Variants in NTRK2 observed in about 807,000 individuals in gnomAD.
NTRK2 encodes the protein BDNF/NT-3 growth factors receptor.
In NTRK2, 13 loss-of-function variants were observed where a neutral mutation model predicts 94.5. That is an observed-to-expected ratio of 0.14 (90% CI 0.09 to 0.22). NTRK2 has a LOEUF of 0.22. Ranked by LOEUF, NTRK2 falls within the 10% of genes least tolerant of loss-of-function variation. NTRK2 has a pLI of 1.00. For synonymous variants in NTRK2, 372 were observed against 407.4 expected, an observed-to-expected ratio of 0.91 and a Z score of 1.05; for missense variants, 639 against 1,071.2, an observed-to-expected ratio of 0.60 and a Z score of 5.63.
intron 14 of NTRK2, among the ~76,000 whole-genome samples, chr9:84,882,385 A>G (rs1300545166): frequency 6.6e-6 from 1 of 152,238 alleles, no homozygotes; most frequent in Non-Finnish European, 1.5e-5. Flanking sequence ...GTATGATTCC[A>G]AATGGTAAAG....
chr9:84,894,242 A>G (rs1335507774), intron 14 of NTRK2, among the ~76,000 whole-genome samples: 1 of 150,504 alleles, frequency 6.6e-6, no homozygotes, highest in Admixed American at 6.7e-5. Context: ...CATAGTCTTG[A>G]ATGTATTCCA....
intron 17 of NTRK2, among the ~76,000 whole-genome samples, chr9:84,957,749 C>A (rs146876417): frequency 6.6e-6 from 1 of 152,226 alleles, no homozygotes; most frequent in Non-Finnish European, 1.5e-5. Flanking sequence ...GGCATGTACC[C>A]AAGAGAACTG....
chr9:84,815,212 G>C (rs201347984), intron 12 of NTRK2: 2 of 1,057,122 alleles, frequency 1.9e-6, no homozygotes, highest in Non-Finnish European at 2.3e-6. Context: ...ATTCAGGCTA[G>C]TGTTGCAGTA....
intron 12 of NTRK2, among the ~76,000 whole-genome samples, chr9:84,789,676 A>G (rs2068522623): frequency 1.3e-5 from 2 of 152,100 alleles, no homozygotes; most frequent in African/African-American, 4.8e-5. Context: ...CACATGTTTC[A>G]CTATATGCGT....
intron 14 of NTRK2, among the ~76,000 whole-genome samples, chr9:84,931,865 T>C (rs2078048682): frequency 6.6e-6 from 1 of 152,162 alleles, no homozygotes; most frequent in Admixed American, 6.5e-5. Context: ...GCTAATTATC[T>C]GCAAGAATTA....
chr9:84,813,894 A>G, intron 12 of NTRK2: 2 of 1,065,340 alleles, frequency 1.9e-6, no homozygotes, highest in Non-Finnish European at 1.1e-6. Context: ...TCATGGCTCA[A>G]TGGGGGCCTC....
chr9:84,768,731 G>T (rs1335742587), intron 12 of NTRK2, among the ~76,000 whole-genome samples: 4 of 152,108 alleles, frequency 2.6e-5, no homozygotes, highest in African/African-American at 9.7e-5. Flanking sequence ...GAAAAAGAGA[G>T]CTCAGTATGG....
Position 85,021,766 on chromosome 9 carries a change from G to C in NTRK2, c.*329G>C. On this transcript the variant is annotated 3_prime_UTR_variant, in exon 19 of 19. Transcript: ENST00000277120. ...TTTCTTTTGAATCAATCTGGCTTCTGCATTACTATTAACTCTGCATAGACA... is the reference window on the plus strand; with the variant it reads ...TTTCTTTTGAATCAATCTGGCTTCTCCATTACTATTAACTCTGCATAGACA... 1 of 418,220 alleles carries C rather than the reference G, an allele frequency of 2.4e-6. No individual in the cohort carries two copies. The highest frequency in any genetic ancestry group is 2.7e-5 in the South Asian group (1 of 37,634). The allele number at this position is 418,220 out of a possible 1,614,324, so 25.9% of individuals were successfully genotyped here.
Position 84,970,202 on chromosome 9 carries a change from G to T in NTRK2, c.2172+14685G>T, listed in dbSNP as rs1490988664. Among the ~76,000 whole-genome samples, 5 of 151,962 alleles carry T rather than the reference G, an allele frequency of 3.3e-5. No individual in the cohort carries two copies. In the East Asian group the frequency reaches 9.7e-4, roughly 29 times the overall value. On this transcript the variant is annotated intron_variant, in intron 17 of 18. Coordinates refer to ENST00000277120, the MANE Select transcript of NTRK2 (RefSeq NM_006180.6). ...ACCTGAGGTCAGGAGTTCGAGACCA[G>T]CCTGGTCAACATGGCAAAACCCCTT...
intron 17 of NTRK2, among the ~76,000 whole-genome samples, chr9:84,965,562 G>T (rs1825458684): frequency 6.6e-6 from 1 of 152,274 alleles, no homozygotes; most frequent in African/African-American, 2.4e-5. Context: ...AAAGACTATT[G>T]CCTGTGATGG....
Position 84,939,535 on chromosome 9 carries a change from G to A in NTRK2, c.1764+5243G>A, listed in dbSNP as rs559031598. Among the ~76,000 whole-genome samples the A allele has an allele frequency of 3.9e-5, 6 of 152,278 alleles. No individual in the cohort carries two copies. The South Asian group carries it at 1.2e-3, about 32-fold the overall frequency. On this transcript the variant is annotated intron_variant, in intron 15 of 18. Coordinates refer to ENST00000277120, the MANE Select transcript of NTRK2 (RefSeq NM_006180.6). ...GTGTGTTAGTTATGTCGTTTATATG[G>A]AAGGATGGGAGACATGTTCATATTT...
chr9:84,794,292 A>C (rs1393668150), intron 12 of NTRK2, among the ~76,000 whole-genome samples: 1 of 152,198 alleles, frequency 6.6e-6, no homozygotes, highest in Non-Finnish European at 1.5e-5. Context: ...TCACCCGAAA[A>C]TGGGGGCATC....
At chr9:84,827,425 C>G (rs2073257757) in intron 12 of NTRK2, among the ~76,000 whole-genome samples, 1 of 152,196 alleles carries the variant, frequency 6.6e-6, no homozygotes, top group Non-Finnish European at 1.5e-5. Context: ...GTTCTCTGAG[C>G]GCAACTCCAG....
intron 17 of NTRK2, among the ~76,000 whole-genome samples, chr9:85,001,464 C>T (rs762141379): frequency 1.5e-4 from 23 of 152,236 alleles, no homozygotes; most frequent in Non-Finnish European, 3.4e-4. Context: ...CTTTGCAGTA[C>T]ACACAAGCCT....
At chr9:84,691,348 A>G (rs1175866684) in intron 2 of NTRK2, among the ~76,000 whole-genome samples, 1 of 149,858 alleles carries the variant, frequency 6.7e-6, no homozygotes, top group Non-Finnish European at 1.5e-5. Context: ...AAAGTTGTCC[A>G]AGAATTTAAT....
At chr9:84,981,270 T>C (rs1398670235) in intron 17 of NTRK2, among the ~76,000 whole-genome samples, 1 of 151,602 alleles carries the variant, frequency 6.6e-6, no homozygotes, top group East Asian at 1.9e-4. Context: ...TTGTTGTTTT[T>C]TTTTTATGTT....
chr9:84,955,200 A>T, intron 16 of NTRK2, 83 bp from the exon 17 acceptor site: 2 of 1,145,784 alleles, frequency 1.7e-6, no homozygotes, highest in Non-Finnish European at 2.5e-6. Flanking sequence ...GCTTAGCAAG[A>T]GGGACGGGGA....
At chr9:84,780,860 A>G (rs2067494741) in intron 12 of NTRK2, among the ~76,000 whole-genome samples, 1 of 152,162 alleles carries the variant, frequency 6.6e-6, no homozygotes, top group African/African-American at 2.4e-5. Context: ...ATGAGCTATG[A>G]AGTTTTCTGG....
chr9:84,783,201 G>A (rs573238282), intron 12 of NTRK2, among the ~76,000 whole-genome samples: 2 of 152,270 alleles, frequency 1.3e-5, no homozygotes, highest in Non-Finnish European at 2.9e-5. Context: ...GACCTGTGAA[G>A]GGACATTTTG....
Sources: allele counts gnomAD v4.1 joint callset (sites outside exome capture counted in the v4.1 genomes callset), GRCh38; gene constraint gnomAD v4.1.1; transcripts MANE v1.5; gene names NCBI Gene and HGNC (gene_info 2026-07-23, HGNC 2026-07-21).